GRIP1: variants seen among roughly 807,000 people sequenced by gnomAD.
GRIP1 encodes the protein glutamate receptor interacting protein 1.
GRIP1 carries 45 observed loss-of-function variants against 129.9 expected under a neutral mutation model. The observed-to-expected ratio is 0.35, with a 90% confidence interval of 0.27 to 0.44. The LOEUF (loss-of-function observed/expected upper bound fraction) is 0.44. Ranked by LOEUF, GRIP1 falls within the 20% of genes least tolerant of loss-of-function variation. The pLI is 1.00. For missense variants in GRIP1, 1,196 were observed against 1,396.8 expected (o/e 0.86, Z 2.29); for synonymous variants, 530 against 520.8 (o/e 1.02, Z -0.24).
chr12:66,678,478 T>C (rs959619281), intron 1 of GRIP1, among the ~76,000 whole-genome samples: 1 of 152,112 alleles, frequency 6.6e-6, no homozygotes, highest in Non-Finnish European at 1.5e-5. Context: ...ATTTAGTATA[T>C]GTATCATAGA....
rs200745373 is a variant in GRIP1, at chr12:66,577,283, G to C, written c.136+19564C>G. On this transcript the variant is annotated intron_variant, in intron 2 of 24. Coordinates refer to ENST00000359742, the MANE Select transcript of GRIP1 (RefSeq NM_001366722.1). ...AAGATAAGAAACTTCAGTCCATCAGGGTAAGGAATGCTCAACAGAGATGTA... is the reference window on the plus strand; with the variant it reads ...AAGATAAGAAACTTCAGTCCATCAGCGTAAGGAATGCTCAACAGAGATGTA... 5.5e-5 allele frequency among the ~76,000 whole-genome samples: 5 copies of C among 91,162 alleles called. No individual in the cohort carries two copies. In the South Asian group the frequency reaches 9.8e-4, roughly 18 times the overall value. 59.8% of individuals were successfully genotyped at this position (91,162 alleles called of 152,430 possible).
intron 1 of GRIP1, among the ~76,000 whole-genome samples, chr12:66,609,071 GTAT>G (rs2064677447): frequency 6.6e-6 from 1 of 151,530 alleles, no homozygotes; most frequent in South Asian, 2.1e-4. Flanking sequence ...ACAATCATGG[GTAT>G]TATTACCTCA....
chr12:67,050,085 T>G (rs1010444176), intron 1 of GRIP1, among the ~76,000 whole-genome samples: 14 of 151,460 alleles, frequency 9.2e-5, no homozygotes, highest in Admixed American at 3.3e-4. Context: ...AATGATTTAC[T>G]AAAAGCTACT....
intron 19 of GRIP1, among the ~76,000 whole-genome samples, chr12:66,384,115 C>A (rs2056248816): frequency 6.6e-6 from 1 of 152,200 alleles, no homozygotes; most frequent in Admixed American, 6.5e-5. Context: ...GTTTTCAGTT[C>A]TCTTCAGCTG....
intron 6 of GRIP1, 45 bp from the exon 7 acceptor site, chr12:66,515,809 G>T: frequency 6.4e-7 from 1 of 1,550,428 alleles, no homozygotes; most frequent in South Asian, 1.1e-5. Flanking sequence ...TTAGCATAAT[G>T]GGGCTTAGTA....
intron 2 of GRIP1, among the ~76,000 whole-genome samples, chr12:66,584,416 A>G (rs1322215647): frequency 6.6e-6 from 1 of 151,744 alleles, no homozygotes; most frequent in Non-Finnish European, 1.5e-5. Flanking sequence ...ATAAAAAAAA[A>G]TACAAAATTA....
At chr12:66,380,854 A>G (rs2137395658) in intron 19 of GRIP1, among the ~76,000 whole-genome samples, 1 of 152,106 alleles carries the variant, frequency 6.6e-6, no homozygotes, top group East Asian at 1.9e-4. Context: ...GTGTATTTAC[A>G]TGGATGCGCT....
At chr12:66,839,096 T>C (rs2039668908) in intron 1 of GRIP1, among the ~76,000 whole-genome samples, 1 of 151,932 alleles carries the variant, frequency 6.6e-6, no homozygotes, top group Non-Finnish European at 1.5e-5. Flanking sequence ...ATGAAAAAAA[T>C]TAGACTAATT....
At chr12:67,060,386 A>T (rs2043511586) in intron 1 of GRIP1, among the ~76,000 whole-genome samples, 1 of 152,222 alleles carries the variant, frequency 6.6e-6, no homozygotes. Flanking sequence ...AATGTTGTTA[A>T]TTTGCATATA....
intron 1 of GRIP1, among the ~76,000 whole-genome samples, chr12:66,959,600 T>C (rs1002081722): frequency 6.6e-6 from 1 of 152,230 alleles, no homozygotes; most frequent in African/African-American, 2.4e-5. Context: ...AATATCTTGA[T>C]ACATTGTAAA....
chr12:66,947,301 G>C (rs150472180), intron 1 of GRIP1, among the ~76,000 whole-genome samples: 22 of 152,288 alleles, frequency 1.4e-4, no homozygotes, highest in African/African-American at 5.1e-4. Flanking sequence ...AAGATCTACT[G>C]AATGAGGACT....
intron 1 of GRIP1, among the ~76,000 whole-genome samples, chr12:66,609,178 G>A (rs2064682368): frequency 2.0e-5 from 3 of 152,028 alleles, no homozygotes; most frequent in Non-Finnish European, 4.4e-5. Context: ...ATCAGAGACA[G>A]GATTCTAACT....
chr12:66,630,327 G>C (rs1020478972), intron 1 of GRIP1: 3 of 151,666 alleles, frequency 2.0e-5, no homozygotes, highest in African/African-American at 7.3e-5. Context: ...CCGGGCAACA[G>C]AGCGAGACTC....
At chr12:66,587,018 G>C (rs2063664405) in intron 2 of GRIP1, among the ~76,000 whole-genome samples, 1 of 152,110 alleles carries the variant, frequency 6.6e-6, no homozygotes, top group Admixed American at 6.6e-5. Context: ...AGCTCTACAG[G>C]ACACAGCCTT....
rs574804362 is a variant in GRIP1, at chr12:66,460,170, G to A, written c.1042+2754C>T. 2.8e-4 allele frequency among the ~76,000 whole-genome samples: 42 copies of A among 152,246 alleles called. No homozygotes were observed. The East Asian group carries it at 8.1e-3, about 29-fold the overall frequency. ...GAAGCTCTGGACACGTGATCCTAAA[G>A]TCCCCGCTTCAACCACCAGACATAC... is the stretch of plus-strand genomic sequence containing the variant. On this transcript the variant is annotated intron_variant, in intron 9 of 24. Transcript: ENST00000359742.
At position 66,417,917 on chromosome 12, in the gene GRIP1, C is replaced by T. The variant is rs549430537; in HGVS notation, c.1838+2803G>A. Among the ~76,000 whole-genome samples, 7 of 152,198 alleles carry T rather than the reference C, an allele frequency of 4.6e-5. No individual in the cohort carries two copies. The East Asian group carries it at 1.2e-3, about 25-fold the overall frequency. On this transcript the variant is annotated intron_variant, in intron 15 of 24. Transcript: ENST00000359742. ...GTATCAAAATACCAATGACAGTCTT[C>T]ACAGAAATAGAGAAAAGTATCCTAA...
intron 1 of GRIP1, among the ~76,000 whole-genome samples, chr12:66,606,443 C>T (rs1287821995): frequency 1.3e-5 from 2 of 152,076 alleles, no homozygotes; most frequent in Non-Finnish European, 2.9e-5. Context: ...TTATTTCATT[C>T]TGAGTTCAGT....
chr12:66,623,679 A>G (rs2139988329), intron 1 of GRIP1, among the ~76,000 whole-genome samples: 1 of 152,198 alleles, frequency 6.6e-6, no homozygotes, highest in Middle Eastern at 3.4e-3. Flanking sequence ...AACCTGAGTC[A>G]CTTCCTCATT....
chr12:66,934,313 T>G (rs2041449122), intron 1 of GRIP1, among the ~76,000 whole-genome samples: 1 of 152,230 alleles, frequency 6.6e-6, no homozygotes, highest in Non-Finnish European at 1.5e-5. Context: ...TATTCATCCT[T>G]AAACACTTTA....
Sources: allele counts gnomAD v4.1 joint callset (sites outside exome capture counted in the v4.1 genomes callset), GRCh38; gene constraint gnomAD v4.1.1; transcripts MANE v1.5; gene names NCBI Gene and HGNC (gene_info 2026-07-23, HGNC 2026-07-21).